Variants in MACROD2 observed in about 807,000 individuals in gnomAD.
MACROD2 encodes the protein ADP-ribose glycohydrolase MACROD2.
MACROD2 carries 36 observed loss-of-function variants against 70.4 expected under a neutral mutation model. That is an observed-to-expected ratio of 0.51 (90% CI 0.39 to 0.68). The LOEUF (loss-of-function observed/expected upper bound fraction) is 0.68. Ranked by LOEUF, MACROD2 falls within the 30% of genes least tolerant of loss-of-function variation. The pLI, the probability that MACROD2 is intolerant of heterozygous loss-of-function variation, is 0.00. For missense variants in MACROD2, 496 were observed against 538.4 expected (o/e 0.92, Z 0.78); for synonymous variants, 172 against 178.8 (o/e 0.96, Z 0.30).
intron 3 of MACROD2, among the ~76,000 whole-genome samples, chr20:14,464,957 A>G (rs1414520278): frequency 2.0e-5 from 3 of 152,062 alleles, no homozygotes; most frequent in Middle Eastern, 3.2e-3. Flanking sequence ...ACTTCCAACT[A>G]TGTGGTCAGT....
chr20:14,210,828 G>C (rs2081565040), intron 3 of MACROD2, among the ~76,000 whole-genome samples: 1 of 152,156 alleles, frequency 6.6e-6, no homozygotes, highest in East Asian at 1.9e-4. Flanking sequence ...TTGGTGCTGT[G>C]TATCACCTAT....
At chr20:15,342,650 T>A (rs2078122862) in intron 6 of MACROD2, among the ~76,000 whole-genome samples, 1 of 152,196 alleles carries the variant, frequency 6.6e-6, no homozygotes, top group Non-Finnish European at 1.5e-5. Flanking sequence ...CGACCAAGGA[T>A]ACTCGATTGA....
chr20:14,946,381 A>G (rs1219771737), intron 5 of MACROD2, among the ~76,000 whole-genome samples: 1 of 152,188 alleles, frequency 6.6e-6, no homozygotes, highest in African/African-American at 2.4e-5. Context: ...TGGATTTTAA[A>G]GAAGATGATA....
chr20:15,185,083 G>T (rs1208134149), intron 5 of MACROD2, among the ~76,000 whole-genome samples: 1 of 152,104 alleles, frequency 6.6e-6, no homozygotes, highest in African/African-American at 2.4e-5. Flanking sequence ...TGCACATCTT[G>T]TCTTGTTACT....
intron 5 of MACROD2, among the ~76,000 whole-genome samples, chr20:14,799,890 G>A (rs376873902): frequency 3.3e-5 from 5 of 152,156 alleles, no homozygotes; most frequent in African/African-American, 7.2e-5. Context: ...ATCTTGCAAC[G>A]TTTTGCTGGG....
intron 8 of MACROD2, among the ~76,000 whole-genome samples, chr20:15,599,042 A>G (rs909515642): frequency 2.0e-5 from 3 of 152,072 alleles, no homozygotes; most frequent in Non-Finnish European, 1.5e-5. Flanking sequence ...CCACATCAAC[A>G]TTTGGCATAC....
chr20:14,089,529 C>T (rs2054121201), intron 3 of MACROD2, among the ~76,000 whole-genome samples: 1 of 152,174 alleles, frequency 6.6e-6, no homozygotes, highest in South Asian at 2.1e-4. Flanking sequence ...ATATTTTAAA[C>T]TTATTTCTAA....
intron 5 of MACROD2, among the ~76,000 whole-genome samples, chr20:15,000,745 T>C (rs2074989043): frequency 6.6e-6 from 1 of 151,712 alleles, no homozygotes; most frequent in Admixed American, 6.6e-5. Flanking sequence ...TGTATGTGTG[T>C]TATCCTTAGG....
chr20:15,558,704 C>G (rs2048201413), intron 8 of MACROD2, among the ~76,000 whole-genome samples: 1 of 152,222 alleles, frequency 6.6e-6, no homozygotes, highest in African/African-American at 2.4e-5. Context: ...CTCCCATTGG[C>G]TGAGCTCAAG....
chr20:15,632,130 T>C (rs2049299643), intron 8 of MACROD2, among the ~76,000 whole-genome samples: 1 of 151,356 alleles, frequency 6.6e-6, no homozygotes, highest in Admixed American at 6.6e-5. Context: ...CAAAATGAAA[T>C]TTGAGCTTGA....
At chr20:14,264,949 T>A (rs1339294854) in intron 3 of MACROD2, among the ~76,000 whole-genome samples, 1 of 152,170 alleles carries the variant, frequency 6.6e-6, no homozygotes, top group African/African-American at 2.4e-5. Flanking sequence ...AAAAGACTGG[T>A]TGGATCAGCT....
intron 2 of MACROD2, among the ~76,000 whole-genome samples, chr20:14,015,418 A>G (rs2052974546): frequency 6.6e-6 from 1 of 152,152 alleles, no homozygotes. Context: ...TTCATCTCTA[A>G]AATGAACATT....
intron 3 of MACROD2, among the ~76,000 whole-genome samples, chr20:14,444,410 A>C (rs2084160626): frequency 6.6e-6 from 1 of 151,876 alleles, no homozygotes; most frequent in Admixed American, 6.6e-5. Flanking sequence ...AGGACACCAC[A>C]TTTGCCTGGC....
chr20:14,928,598 CTGGACGGGGAATGTTTCAAAGGTGCTTG>C (rs749430853), intron 5 of MACROD2, among the ~76,000 whole-genome samples: 2 of 152,130 alleles, frequency 1.3e-5, no homozygotes, highest in Non-Finnish European at 2.9e-5. Flanking sequence ...CCACTGCCTG[CTGGACGGGGAATGTTTCAAAGGTGCTTG>C]ATACCAAAGC....
chr20:14,441,943 G>A (rs954645466), intron 3 of MACROD2, among the ~76,000 whole-genome samples: 9 of 152,196 alleles, frequency 5.9e-5, no homozygotes, highest in Admixed American at 3.3e-4. Context: ...AGTAGAAAGT[G>A]TAGCAGGAAT....
chr20:15,851,834 C>A (rs2064302412), intron 8 of MACROD2, among the ~76,000 whole-genome samples: 1 of 152,154 alleles, frequency 6.6e-6, no homozygotes, highest in Non-Finnish European at 1.5e-5. Flanking sequence ...CCTCTGAGAG[C>A]CACTCCTTGG....
chr20:14,916,358 G>A (rs142101240), intron 5 of MACROD2, among the ~76,000 whole-genome samples: 1 of 152,286 alleles, frequency 6.6e-6, no homozygotes, highest in African/African-American at 2.4e-5. Context: ...GGTGAGGGTA[G>A]GGGTGGGGTT....
At chr20:15,699,591 C>G (rs555856792) in intron 8 of MACROD2, among the ~76,000 whole-genome samples, 1 of 152,096 alleles carries the variant, frequency 6.6e-6, no homozygotes, top group African/African-American at 2.4e-5. Flanking sequence ...GCATCAGAGC[C>G]GCCGCTGTGT....
Position 14,782,187 on chromosome 20 carries a change from G to A in MACROD2, c.418+97228G>A, listed in dbSNP as rs541514232. Among the ~76,000 whole-genome samples, 40 of 152,140 alleles carry A rather than the reference G, an allele frequency of 2.6e-4. No individual in the cohort carries two copies. In the South Asian group the frequency reaches 4.4e-3, roughly 17 times the overall value. On this transcript the variant is annotated intron_variant, in intron 5 of 17. Transcript: ENST00000684519. The stretch of plus-strand genomic sequence containing the variant: ...GATCTGCCTGATTTGGCCTCCCAAA[G>A]TGCTGGGATTATAGGCATGAGCTAC...
Sources: gnomAD v4.1 joint callset for allele counts (sites outside exome capture counted in the v4.1 genomes callset) on GRCh38, gnomAD v4.1.1 for gene constraint, MANE v1.5 for transcripts, NCBI Gene and HGNC (gene_info 2026-07-23, HGNC 2026-07-21) for gene names.